Variants in LRRIQ1 observed in about 807,000 individuals in gnomAD.
LRRIQ1 encodes the protein leucine-rich repeat- and IQ domain-containing protein 1.
Under a neutral mutation model 211.9 loss-of-function variants are expected in LRRIQ1, and 210 were observed. The observed-to-expected ratio is 0.99, with a 90% CI of 0.89 to 1.11. The LOEUF (loss-of-function observed/expected upper bound fraction) is 1.11. Ranked by LOEUF, LRRIQ1 falls within the 50% of genes most tolerant of loss-of-function variation. The probability of loss-of-function intolerance (pLI) is 0.00; values close to 1 mark genes in which losing one functional copy is unlikely to be tolerated. For synonymous variants in LRRIQ1, 699 were observed against 650.1 expected (o/e 1.08, Z -1.14); for missense variants, 2,136 against 1,939.5 (o/e 1.10, Z -1.90).
chr12:85,217,646 GTGTATA>G (rs1894199214), intron 24 of LRRIQ1, among the ~76,000 whole-genome samples: 4 of 138,786 alleles, frequency 2.9e-5, no homozygotes, highest in African/African-American at 1.1e-4. Flanking sequence ...GTATATATAT[GTGTATA>G]TGTATATATG....
Position 85,139,816 on chromosome 12 carries a change from T to C in LRRIQ1, c.4329+1847T>C, listed in dbSNP as rs934100483. On this transcript the variant is annotated intron_variant, in intron 19 of 26. Transcript: ENST00000393217. ...TCTATTAGGTTAGGAAACTGCTTTT[T>C]TGGAACATGCTGCTGATTAGCACGT... Among the ~76,000 whole-genome samples, 11 of 151,534 alleles carry C rather than the reference T, an allele frequency of 7.3e-5. 1 individual carries two copies. The Admixed American group carries it at 7.3e-4, about 10-fold the overall frequency.
intron 24 of LRRIQ1, among the ~76,000 whole-genome samples, chr12:85,207,763 C>T (rs1293717982): frequency 4.6e-5 from 7 of 152,042 alleles, no homozygotes; most frequent in South Asian, 2.1e-4. Context: ...CCAGTTGTTC[C>T]GACATCATTT....
intron 24 of LRRIQ1, among the ~76,000 whole-genome samples, chr12:85,227,636 A>G (rs1359546819): frequency 2.0e-5 from 3 of 152,160 alleles, no homozygotes; most frequent in Non-Finnish European, 2.9e-5. Context: ...CCATCAAGCT[A>G]CCAATGACTT....
At chr12:85,202,048 A>G (rs1304228178) in intron 24 of LRRIQ1, among the ~76,000 whole-genome samples, 1 of 152,134 alleles carries the variant, frequency 6.6e-6, no homozygotes, top group East Asian at 1.9e-4. Flanking sequence ...TACTTACCCA[A>G]AAGTCATTCA....
chr12:85,078,585 G>A (rs1045013667), intron 11 of LRRIQ1, among the ~76,000 whole-genome samples: 1 of 151,858 alleles, frequency 6.6e-6, no homozygotes, highest in African/African-American at 2.4e-5. Flanking sequence ...ATGTTTTTGA[G>A]GGCATGCTAT....
intron 24 of LRRIQ1, among the ~76,000 whole-genome samples, chr12:85,198,509 G>T (rs1304576936): frequency 6.6e-6 from 1 of 151,482 alleles, no homozygotes; most frequent in Non-Finnish European, 1.5e-5. Context: ...CATTCCTACT[G>T]GTGTGAGATA....
At position 85,038,181 on chromosome 12, in the gene LRRIQ1, A is replaced by G. The variant is rs1459238141; in HGVS notation, c.5A>G (p.Asp2Gly). Residue 2 changes from aspartate to glycine, a missense_variant, in exon 2 of 27, where the codon GAC (aspartate) becomes GGC (glycine). Coordinates refer to ENST00000393217, the MANE Select transcript of LRRIQ1 (RefSeq NM_001079910.2). M[D>G]DDDAKLKAEI... The stretch of plus-strand genomic sequence containing the variant: ...TGTGCTTTATTATGAAGAATAATGG[A>G]CGATGATGATGCAAAGCTCAAAGCA... 1 of 1,559,848 alleles carries G rather than the reference A, an allele frequency of 6.4e-7. No homozygotes were observed. Among genetic ancestry groups the G allele is most frequent in the Non-Finnish European group, 8.7e-7 (1 of 1,150,948 alleles).
intron 7 of LRRIQ1, among the ~76,000 whole-genome samples, chr12:85,053,640 A>T (rs1880596773): frequency 6.6e-6 from 1 of 152,194 alleles, no homozygotes; most frequent in African/African-American, 2.4e-5. Flanking sequence ...ACACTTAAAT[A>T]GTTGTCAAAA....
At position 85,068,577 on chromosome 12, in the gene LRRIQ1, T is replaced by C. The variant is rs1380976706; in HGVS notation, c.2695+1679T>C. 7.2e-5 allele frequency among the ~76,000 whole-genome samples: 11 copies of C among 152,014 alleles called. No homozygotes were observed. In the East Asian group the frequency reaches 2.1e-3, roughly 30 times the overall value. On this transcript the variant is annotated intron_variant, in intron 10 of 26. Coordinates refer to ENST00000393217, the MANE Select transcript of LRRIQ1 (RefSeq NM_001079910.2). ...TTCCTTCATACTTCAGGAGACAGTT[T>C]TGAATAATATGGCCGTCTCTTACTT...
At chr12:85,142,991 C>T (rs150887414) in intron 19 of LRRIQ1, among the ~76,000 whole-genome samples, 108 of 151,658 alleles carry the variant, frequency 7.1e-4, no homozygotes, top group African/African-American at 2.5e-3. Flanking sequence ...ATTGCTGGGT[C>T]ATATGACAGT....
At chr12:85,250,873 A>G (rs1209381131) in intron 1 of LRRIQ1, among the ~76,000 whole-genome samples, 7 of 56,978 alleles carry the variant, frequency 1.2e-4, no homozygotes, top group Admixed American at 9.4e-4. Context: ...TAGATTATAT[A>G]TTATATTATA....
At chr12:85,207,108 G>A (rs766741692) in intron 24 of LRRIQ1, among the ~76,000 whole-genome samples, 3 of 152,102 alleles carry the variant, frequency 2.0e-5, no homozygotes, top group Admixed American at 6.5e-5. Context: ...GAGGTCTTAC[G>A]GCATGAGTGG....
At chr12:85,249,718 AT>A (rs1346492185), downstream of LRRIQ1, among the ~76,000 whole-genome samples, 6 of 151,942 alleles carry the variant, frequency 3.9e-5, no homozygotes, top group Non-Finnish European at 8.8e-5. Flanking sequence ...TTAAATGGAT[AT>A]TGTTTTCCAC....
At chr12:85,201,526 G>T (rs536290937) in intron 24 of LRRIQ1, among the ~76,000 whole-genome samples, 1 of 152,116 alleles carries the variant, frequency 6.6e-6, no homozygotes, top group African/African-American at 2.4e-5. Context: ...GTGGCTGAAT[G>T]TGTCGAGGAC....
chr12:85,233,942 A>G (rs930663256), intron 26 of LRRIQ1, among the ~76,000 whole-genome samples: 1 of 152,086 alleles, frequency 6.6e-6, no homozygotes, highest in Admixed American at 6.6e-5. Context: ...AAGTGATATA[A>G]TATTTTGGTC....
In LRRIQ1 at chr12:85,104,056, G is replaced by A. The variant is rs1216093998; in HGVS notation, c.3262G>A (p.Val1088Ile). 3 of 1,557,366 alleles carry A rather than the reference G, an allele frequency of 1.9e-6. No individual in the cohort carries two copies. The highest frequency in any genetic ancestry group is 1.8e-5 in the Admixed American group (1 of 54,136). The change falls in exon 14 of 27, where the codon GTC (valine) becomes ATC (isoleucine). Residue 1088 changes from valine (V) to isoleucine (I), a missense_variant. Coordinates refer to ENST00000393217, the MANE Select transcript of LRRIQ1 (RefSeq NM_001079910.2). ...FHFVSLEKLD[V>I]SHNCLSDLKS... ...TTTTGTTTCATTGGAAAAGCTAGATGTCAGCCACAATTGTCTTTCTGGTAA... is the reference window on the plus strand; with the variant it reads ...TTTTGTTTCATTGGAAAAGCTAGATATCAGCCACAATTGTCTTTCTGGTAA...
chr12:85,144,130 T>A (rs1889730188), intron 19 of LRRIQ1, among the ~76,000 whole-genome samples: 1 of 151,618 alleles, frequency 6.6e-6, no homozygotes, highest in Non-Finnish European at 1.5e-5. Flanking sequence ...GTGTACTCAT[T>A]GTTTAGCTCC....
chr12:85,073,564 G>GC (rs537501283), intron 11 of LRRIQ1, among the ~76,000 whole-genome samples: 1 of 152,056 alleles, frequency 6.6e-6, no homozygotes, highest in Non-Finnish European at 1.5e-5. Flanking sequence ...TTCATTGCCA[G>GC]CAGTGCTGTA....
chr12:85,146,597 G>T (rs763034361), intron 19 of LRRIQ1, among the ~76,000 whole-genome samples: 3 of 151,662 alleles, frequency 2.0e-5, no homozygotes, highest in Non-Finnish European at 3.0e-5. Flanking sequence ...TGCTTCCCAG[G>T]ATTTAAGGTA....
Sources: gnomAD v4.1 joint callset for allele counts (sites outside exome capture counted in the v4.1 genomes callset) on GRCh38, gnomAD v4.1.1 for gene constraint, MANE v1.5 for transcripts, NCBI Gene and HGNC (gene_info 2026-07-23, HGNC 2026-07-21) for gene names.